The following ZC3H3 variants were observed in gnomAD, a reference collection of about 807,000 sequenced individuals.
ZC3H3 encodes zinc finger CCCH domain-containing protein 3.
In ZC3H3, 36 loss-of-function variants were observed where a neutral mutation model predicts 77.3. That is an observed-to-expected ratio of 0.47 (90% CI 0.36 to 0.61). The LOEUF (loss-of-function observed/expected upper bound fraction) is 0.61, where lower values mean the gene tolerates loss of function less well. Ranked by LOEUF, ZC3H3 falls within the 20% of genes least tolerant of loss-of-function variation. The pLI is 0.00. For synonymous variants in ZC3H3, 626 were observed against 555.2 expected (o/e 1.13, Z -1.79); for missense variants, 1,331 against 1,312.2 (o/e 1.01, Z -0.22).
chr8:143,536,151 C>T, intron 3 of ZC3H3, 106 bp downstream of exon 3: 1 of 1,360,882 alleles, frequency 7.3e-7, no homozygotes, highest in Non-Finnish European at 9.9e-7. Context: ...CCAGCCAGGG[C>T]CTCTACCAGC....
chr8:143,511,512 C>T (rs1347995707), intron 3 of ZC3H3, among the ~76,000 whole-genome samples: 2 of 152,184 alleles, frequency 1.3e-5, no homozygotes, highest in African/African-American at 4.8e-5. Context: ...CTGAGGCTGC[C>T]AAGCAGGAGA....
intron 3 of ZC3H3, among the ~76,000 whole-genome samples, chr8:143,523,844 T>TCAGAGC (rs1339920986): frequency 6.6e-6 from 1 of 151,956 alleles, no homozygotes; most frequent in African/African-American, 2.4e-5. Flanking sequence ...GCCAACTGAG[T>TCAGAGC]CAGAGCGGGG....
chr8:143,530,490 G>A lies in ZC3H3; in HGVS notation c.1561+5767C>T, dbSNP rs1014914126. On this transcript the variant is annotated intron_variant, in intron 3 of 11. Coordinates refer to ENST00000262577, the MANE Select transcript of ZC3H3 (RefSeq NM_015117.3). The surrounding 1 kb of genome is among the most constrained non-coding windows in gnomAD (Gnocchi z 4.3). The stretch of plus-strand genomic sequence containing the variant: ...GCTGGTAGGAATCCCATCACCTCCC[G>A]CCACCAAGAAGCTCCCCAGCCTGGG... Among the ~76,000 whole-genome samples the A allele has an allele frequency of 5.3e-5, 8 of 152,054 alleles. No individual in the cohort carries two copies. Among genetic ancestry groups the A allele is most frequent in the Admixed American group, 1.3e-4 (2 of 15,282 alleles).
intron 9 of ZC3H3, among the ~76,000 whole-genome samples, chr8:143,448,187 T>G (rs1819905563): frequency 1.3e-5 from 2 of 151,126 alleles, no homozygotes; most frequent in Admixed American, 6.6e-5. Flanking sequence ...ATGCCTGTAA[T>G]CCCAGCTTCT....
rs2242093 is a variant in ZC3H3, at chr8:143,541,404, T to C, written c.18A>G (p.Ile6Met). ...GCAGTAGGCGGATCTGCCGCCGTAATATCTCCTTTTCCTCCATCTCCCGAG... is the reference window on the plus strand; with the variant it reads ...GCAGTAGGCGGATCTGCCGCCGTAACATCTCCTTTTCCTCCATCTCCCGAG... MEEKE[I>M]LRRQIRLLQG... The change falls in exon 1 of 12, where the codon ATA becomes ATG. Residue 6 changes from isoleucine to methionine, a missense_variant. Coordinates refer to ENST00000262577, the MANE Select transcript of ZC3H3 (RefSeq NM_015117.3). 258,299 of 1,611,742 alleles carry C rather than the reference T, an allele frequency of 0.16. 23,590 individuals carry two copies. Among genetic ancestry groups the C allele is most frequent in the East Asian group, 0.43 (19,156 of 44,696 alleles).
intron 3 of ZC3H3, among the ~76,000 whole-genome samples, chr8:143,524,981 C>G (rs936100907): frequency 4.3e-5 from 3 of 70,120 alleles, no homozygotes; most frequent in Admixed American, 3.0e-4. Flanking sequence ...AATACACACT[C>G]GAGCAAACCA....
intron 4 of ZC3H3, among the ~76,000 whole-genome samples, chr8:143,476,668 C>A (rs1305684651): frequency 6.6e-6 from 1 of 152,242 alleles, no homozygotes; most frequent in Non-Finnish European, 1.5e-5. Context: ...ACACCCCCAG[C>A]AAATCTGGGC....
intron 4 of ZC3H3, among the ~76,000 whole-genome samples, chr8:143,488,651 G>A (rs1422151412): frequency 5.3e-5 from 8 of 152,236 alleles, no homozygotes; most frequent in Non-Finnish European, 2.9e-5. Flanking sequence ...AAGAGCCAGA[G>A]GGAAGCTTCC....
At chr8:143,517,747 T>C (rs1428311927) in intron 3 of ZC3H3, among the ~76,000 whole-genome samples, 1 of 152,196 alleles carries the variant, frequency 6.6e-6, no homozygotes, top group African/African-American at 2.4e-5. Context: ...CTGGGAGCTC[T>C]GCCGGATTGA....
intron 3 of ZC3H3, among the ~76,000 whole-genome samples, chr8:143,534,739 G>A (rs917100941): frequency 2.0e-5 from 3 of 152,040 alleles, no homozygotes; most frequent in African/African-American, 7.3e-5. Context: ...ACCACCATCC[G>A]GCCACCTCAC....
At chr8:143,528,123 C>T (rs540689719) in intron 3 of ZC3H3, among the ~76,000 whole-genome samples, 28 of 152,208 alleles carry the variant, frequency 1.8e-4, no homozygotes, top group Admixed American at 5.2e-4. Flanking sequence ...GGCACCCTCC[C>T]CCACTGCCAA....
Position 143,475,422 on chromosome 8 carries a change from C to A in ZC3H3, c.1879G>T (p.Gly627Cys), listed in dbSNP as rs761357715. 13 of 1,613,010 alleles carry A rather than the reference C, an allele frequency of 8.1e-6. No individual in the cohort carries two copies. The highest frequency in any genetic ancestry group is 1.1e-5 in the Non-Finnish European group (13 of 1,179,876). Residue 627 changes from glycine to cysteine, a missense_variant, in exon 5 of 12, where the codon GGC becomes TGC. Transcript: ENST00000262577. ...CCTGTGCGCAGGAGGGGCCTGCTGC[C>A]CGCATCACTGGGCTGGCCGGAGGTC... Reference protein sequence around the residue: ...SKTSGQPSDAGSRPLLRTGRL... With the variant: ...SKTSGQPSDACSRPLLRTGRL...
chr8:143,538,302 A>T lies in ZC3H3; in HGVS notation c.1065T>A (p.Ala355=). 1 of 1,612,950 alleles carries T rather than the reference A, an allele frequency of 6.2e-7. No homozygotes were observed. The highest frequency in any genetic ancestry group is 8.5e-7 in the Non-Finnish European group (1 of 1,180,004). Residue 355 remains alanine (A), a synonymous_variant, in exon 2 of 12, where the codon GCT becomes GCA. Coordinates refer to ENST00000262577, the MANE Select transcript of ZC3H3 (RefSeq NM_015117.3). ...GCTTCCTGGGCTTGGGCTCTGGGTC[A>T]GCTATGAGCTGCGGCTTCTCCACCT... ...ANKVEKPQLI[A]DPEPKPRKPA...
At chr8:143,475,325 G>C in intron 5 of ZC3H3, 73 bp downstream of exon 5, 1 of 1,507,844 alleles carries the variant, frequency 6.6e-7, no homozygotes, top group East Asian at 2.3e-5. Context: ...AGGTTAGGGG[G>C]TCTGGCCTGC....
chr8:143,477,249 C>A (rs559354417), intron 4 of ZC3H3, among the ~76,000 whole-genome samples: 3 of 152,210 alleles, frequency 2.0e-5, no homozygotes, highest in African/African-American at 7.2e-5. Flanking sequence ...ACAAGCACGG[C>A]GGCTGGAGCA....
intron 3 of ZC3H3, among the ~76,000 whole-genome samples, chr8:143,528,635 G>C (rs1014704906): frequency 1.3e-5 from 2 of 152,224 alleles, no homozygotes; most frequent in South Asian, 2.1e-4. Flanking sequence ...CCACCGGCCT[G>C]CACATCTCAA....
chr8:143,467,919 T>A (rs1820456287), intron 8 of ZC3H3, among the ~76,000 whole-genome samples: 1 of 151,976 alleles, frequency 6.6e-6, no homozygotes, highest in Non-Finnish European at 1.5e-5. Flanking sequence ...TAGGCATGTG[T>A]AAGGGGGGCC....
At chr8:143,446,085 G>A (rs962064553) in intron 9 of ZC3H3, among the ~76,000 whole-genome samples, 2 of 152,144 alleles carry the variant, frequency 1.3e-5, no homozygotes, top group East Asian at 1.9e-4. Flanking sequence ...GGGCTGCACC[G>A]CACACCCGCT....
chr8:143,522,529 G>A (rs1822280801), intron 3 of ZC3H3, among the ~76,000 whole-genome samples: 1 of 152,142 alleles, frequency 6.6e-6, no homozygotes, highest in Non-Finnish European at 1.5e-5. Context: ...CTTGAACCCA[G>A]GAGGTCGAGG....
Sources: allele counts gnomAD v4.1 joint callset (sites outside exome capture counted in the v4.1 genomes callset), GRCh38; gene constraint gnomAD v4.1.1; non-coding constraint Gnocchi (gnomAD v3.1); transcripts MANE v1.5; gene names NCBI Gene and HGNC (gene_info 2026-07-23, HGNC 2026-07-21).